PCDH15: variants seen among roughly 807,000 people sequenced by gnomAD.
PCDH15 encodes the protein protocadherin related 15.
Under a neutral mutation model 178.5 loss-of-function variants are expected in PCDH15, and 129 were observed. The observed-to-expected ratio is 0.72, with a 90% CI of 0.63 to 0.84. PCDH15 has a LOEUF of 0.84. Ranked by LOEUF, PCDH15 falls within the 40% of genes least tolerant of loss-of-function variation. The probability of loss-of-function intolerance (pLI) is 0.00; values close to 1 mark genes in which losing one functional copy is unlikely to be tolerated. For synonymous variants in PCDH15, 800 were observed against 732.0 expected (o/e 1.09, Z -1.50); for missense variants, 2,230 against 2,099.9 (o/e 1.06, Z -1.21).
chr10:54,181,090 C>G (rs2047941787), intron 13 of PCDH15, among the ~76,000 whole-genome samples: 1 of 152,116 alleles, frequency 6.6e-6, no homozygotes, highest in Non-Finnish European at 1.5e-5. Context: ...AACTTACTTT[C>G]ATTTCCAATT....
At chr10:55,493,552 A>G (rs560919241) in intron 2 of PCDH15, among the ~76,000 whole-genome samples, 145 of 151,872 alleles carry the variant, frequency 9.5e-4, no homozygotes, top group Non-Finnish European at 1.8e-3. Context: ...AAAAAAAAAA[A>G]GGGAAAGAAT....
intron 1 of PCDH15, among the ~76,000 whole-genome samples, chr10:54,697,575 G>A (rs972599706): frequency 7.0e-6 from 1 of 141,990 alleles, no homozygotes; most frequent in Non-Finnish European, 1.5e-5. Context: ...CTGCAGAAAT[G>A]TTTATGCTTA....
chr10:54,781,074 T>A (rs1950310055), intron 1 of PCDH15, among the ~76,000 whole-genome samples: 1 of 152,154 alleles, frequency 6.6e-6, no homozygotes, highest in Non-Finnish European at 1.5e-5. Flanking sequence ...TTAATAAAAA[T>A]CATCAACAGT....
At chr10:54,011,086 C>T (rs958266534) in intron 20 of PCDH15, among the ~76,000 whole-genome samples, 2 of 151,172 alleles carry the variant, frequency 1.3e-5, no homozygotes, top group Admixed American at 6.6e-5. Flanking sequence ...CGTTCTTTAC[C>T]CAGCTCAGGC....
intron 2 of PCDH15, among the ~76,000 whole-genome samples, chr10:55,621,608 G>T (rs1837389526): frequency 6.6e-6 from 1 of 152,098 alleles, no homozygotes; most frequent in Admixed American, 6.6e-5. Flanking sequence ...AGGGATATAG[G>T]TTGCACACTC....
chr10:54,694,213 G>A (rs1428702070), intron 1 of PCDH15, among the ~76,000 whole-genome samples: 1 of 152,110 alleles, frequency 6.6e-6, no homozygotes, highest in Non-Finnish European at 1.5e-5. Context: ...AAACAGAATG[G>A]TCACTTTTGA....
intron 2 of PCDH15, among the ~76,000 whole-genome samples, chr10:55,028,752 A>G (rs1040363605): frequency 1.2e-4 from 18 of 151,984 alleles, no homozygotes; most frequent in Non-Finnish European, 2.2e-4. Flanking sequence ...AAATTATACA[A>G]ATTTTCAGCC....
intron 2 of PCDH15, among the ~76,000 whole-genome samples, chr10:55,412,875 A>G (rs188504717): frequency 3.1e-4 from 39 of 124,492 alleles, no homozygotes; most frequent in Admixed American, 2.4e-3. Context: ...TAATTCAACA[A>G]TAATCACACA....
intron 28 of PCDH15, among the ~76,000 whole-genome samples, chr10:53,854,487 T>G (rs1748454235): frequency 6.6e-6 from 1 of 152,134 alleles, no homozygotes; most frequent in South Asian, 2.1e-4. Context: ...TTTAATTCTT[T>G]TAAAATCAAC....
intron 18 of PCDH15, among the ~76,000 whole-genome samples, chr10:54,030,490 T>C (rs1185566469): frequency 6.6e-6 from 1 of 151,510 alleles, no homozygotes; most frequent in Non-Finnish European, 1.5e-5. Context: ...TCCACACAAA[T>C]GCCTCATAAT....
chr10:53,927,276 A>T (rs2133943707), intron 25 of PCDH15, among the ~76,000 whole-genome samples: 1 of 152,250 alleles, frequency 6.6e-6, no homozygotes, highest in African/African-American at 2.4e-5. Context: ...ATCTAATTTC[A>T]AAATCAAAGG....
At chr10:55,032,138 G>A (rs558687029) in intron 2 of PCDH15, among the ~76,000 whole-genome samples, 2 of 152,250 alleles carry the variant, frequency 1.3e-5, no homozygotes, top group South Asian at 2.1e-4. Flanking sequence ...TACCTAAGTG[G>A]TCATGACTAG....
chr10:54,907,763 T>A (rs929140495), intron 2 of PCDH15, among the ~76,000 whole-genome samples: 13 of 152,220 alleles, frequency 8.5e-5, no homozygotes, highest in African/African-American at 3.1e-4. Flanking sequence ...GATCTAGGGA[T>A]AATTATTTTC....
At chr10:54,838,791 T>C (rs923674500) in intron 3 of PCDH15, among the ~76,000 whole-genome samples, 1 of 152,130 alleles carries the variant, frequency 6.6e-6, no homozygotes, top group Non-Finnish European at 1.5e-5. Context: ...GAAGCAGCCC[T>C]GTAACTTGGC....
chr10:55,312,304 G>A (rs1843603620), intron 1 of PCDH15, among the ~76,000 whole-genome samples: 1 of 151,762 alleles, frequency 6.6e-6, no homozygotes, highest in South Asian at 2.1e-4. Context: ...AATGGTAAAG[G>A]GTATCAGTTA....
At chr10:54,113,534 A>G (rs1467770263) in intron 15 of PCDH15, among the ~76,000 whole-genome samples, 2 of 152,090 alleles carry the variant, frequency 1.3e-5, no homozygotes, top group African/African-American at 4.8e-5. Flanking sequence ...TCATATGCAC[A>G]CTTTCTCAAA....
At chr10:54,826,224 G>A (rs911744677) in intron 3 of PCDH15, among the ~76,000 whole-genome samples, 7 of 151,854 alleles carry the variant, frequency 4.6e-5, no homozygotes, top group African/African-American at 1.4e-4. Flanking sequence ...GTCAATAAAT[G>A]TTTGTTAATT....
At chr10:54,678,967 G>T (rs1014019848) in intron 1 of PCDH15, among the ~76,000 whole-genome samples, 1 of 151,904 alleles carries the variant, frequency 6.6e-6, no homozygotes, top group Admixed American at 6.6e-5. Flanking sequence ...GAGGCGGGCG[G>T]ATCACGAGGT....
chr10:55,050,443 A>G (rs1841130667), intron 2 of PCDH15, among the ~76,000 whole-genome samples: 1 of 152,044 alleles, frequency 6.6e-6, no homozygotes, highest in Admixed American at 6.6e-5. Context: ...AAACAAAACA[A>G]AACACTGTCC....
Sources: gnomAD v4.1 joint callset for allele counts (sites outside exome capture counted in the v4.1 genomes callset) on GRCh38, gnomAD v4.1.1 for gene constraint, MANE v1.5 for transcripts, NCBI Gene and HGNC (gene_info 2026-07-23, HGNC 2026-07-21) for gene names.